Variants in GABPB1 observed in about 807,000 individuals in gnomAD.
The protein encoded by GABPB1 is GA binding protein transcription factor subunit beta 1, also known as GA-binding protein subunit beta-1.
GABPB1 carries 15 observed loss-of-function variants against 45.9 expected under a neutral mutation model. The observed-to-expected ratio is 0.33, with a 90% CI of 0.22 to 0.50. The LOEUF (loss-of-function observed/expected upper bound fraction) is 0.50, where lower values mean the gene tolerates loss of function less well. Among genes scored for constraint, GABPB1 ranks in the 20% least tolerant of loss-of-function variants. The probability of loss-of-function intolerance (pLI) is 0.98; values close to 1 mark genes in which losing one functional copy is unlikely to be tolerated. For missense variants in GABPB1, 252 were observed against 457.5 expected, an observed-to-expected ratio of 0.55 and a Z score of 4.10; for synonymous variants, 143 against 154.4, an observed-to-expected ratio of 0.93 and a Z score of 0.55.
At chr15:50,346,919 A>G (rs1373759721) in intron 1 of GABPB1, among the ~76,000 whole-genome samples, 1 of 151,252 alleles carries the variant, frequency 6.6e-6, no homozygotes, top group African/African-American at 2.4e-5. Context: ...CCTCCTGAGT[A>G]GCTGGGATTA....
chr15:50,285,810 T>C, intron 8 of GABPB1: 2 of 1,265,840 alleles, frequency 1.6e-6, no homozygotes, highest in Non-Finnish European at 9.9e-7. Flanking sequence ...AAGGATGAAG[T>C]GGAAGAACCA....
chr15:50,335,681 G>A (rs1157909161), intron 1 of GABPB1, among the ~76,000 whole-genome samples: 2 of 151,474 alleles, frequency 1.3e-5, no homozygotes, highest in African/African-American at 4.8e-5. Flanking sequence ...GGTGGATCAT[G>A]AGGTCAGGAG....
At chr15:50,302,000 C>T (rs967950281) in intron 4 of GABPB1, among the ~76,000 whole-genome samples, 8 of 152,062 alleles carry the variant, frequency 5.3e-5, no homozygotes, top group Admixed American at 1.3e-4. Flanking sequence ...TTTTAAGTAA[C>T]TAGTGGAAGC....
chr15:50,328,867 C>G (rs746044413), intron 1 of GABPB1, among the ~76,000 whole-genome samples: 6 of 152,160 alleles, frequency 3.9e-5, no homozygotes, highest in Non-Finnish European at 8.8e-5. Context: ...TAAAATGGTG[C>G]CCACTCAAAA....
chr15:50,350,602 T>C (rs1296320891), intron 1 of GABPB1: 1 of 151,942 alleles, frequency 6.6e-6, no homozygotes, highest in African/African-American at 2.4e-5. Flanking sequence ...ATTAGCTTTT[T>C]GTTCTTCCAC....
chr15:50,348,365 C>A lies in GABPB1; in HGVS notation c.-1+6620G>T, dbSNP rs144550554. On this transcript the variant is annotated intron_variant, in intron 1 of 8. Coordinates refer to ENST00000380877, the MANE Select transcript of GABPB1 (RefSeq NM_016654.5). ...CGCCTCCCAGACTAAAGGAATACTC[C>A]CACCTCGGCCTCCCGAGTAGCCGAG... is the stretch of plus-strand genomic sequence containing the variant. Among the ~76,000 whole-genome samples the A allele has an allele frequency of 2.4e-4, 36 of 152,206 alleles. No homozygotes were observed. In the East Asian group the frequency reaches 6.6e-3, roughly 28 times the overall value.
At chr15:50,341,489 C>T (rs529099586) in intron 1 of GABPB1, among the ~76,000 whole-genome samples, 25 of 151,682 alleles carry the variant, frequency 1.6e-4, no homozygotes, top group Admixed American at 6.6e-4. Context: ...GCCGAGATCG[C>T]GCCATTGCAC....
rs150877724 is a variant in GABPB1 at position 50,281,433 on chromosome 15, A to C, written c.1000-2649T>G. 9.9e-4 allele frequency among the ~76,000 whole-genome samples: 150 copies of C among 152,142 alleles called. 1 individual carries two copies. The Middle Eastern group carries it at 0.027, about 28-fold the overall frequency. ...TCACCATGTTAGCCAGGATGGTCTC[A>C]ATCTCCTGACCTCGTGATCTGCCCG... On this transcript the variant is annotated intron_variant, in intron 8 of 8. Transcript: ENST00000380877.
chr15:50,354,516 G>A (rs965435497), intron 1 of GABPB1: 1 of 449,650 alleles, frequency 2.2e-6, no homozygotes, highest in East Asian at 7.5e-5. Context: ...AGGCTGCCGA[G>A]ACAAAGGGTA....
intron 8 of GABPB1, among the ~76,000 whole-genome samples, chr15:50,281,968 A>C (rs1165656140): frequency 6.6e-6 from 1 of 151,564 alleles, no homozygotes; most frequent in Non-Finnish European, 1.5e-5. Context: ...CTCCCACTTC[A>C]GTCTCCCAAA....
intron 1 of GABPB1, among the ~76,000 whole-genome samples, chr15:50,338,420 T>G (rs757178368): frequency 4.6e-5 from 7 of 152,184 alleles, no homozygotes; most frequent in South Asian, 2.1e-4. Flanking sequence ...TATATACAGT[T>G]ACTCCCAAAC....
At chr15:50,292,314 C>CAAAA (rs762047613) in intron 6 of GABPB1, among the ~76,000 whole-genome samples, 7 of 49,558 alleles carry the variant, frequency 1.4e-4, no homozygotes, top group African/African-American at 2.2e-4. Context: ...GACTCCATCT[C>CAAAA]AAAAAAAAAA....
intron 1 of GABPB1, chr15:50,349,034 A>T (rs1333368775): frequency 2.0e-5 from 3 of 152,186 alleles, no homozygotes; most frequent in Non-Finnish European, 4.4e-5. Context: ...ATAGGACTCA[A>T]AATTAATATT....
At chr15:50,341,426 G>A (rs150970307) in intron 1 of GABPB1, among the ~76,000 whole-genome samples, 3,089 of 152,098 alleles carry the variant, frequency 0.02, 101 homozygotes, top group African/African-American at 0.071. Context: ...CAGCTACCCC[G>A]GGAGGCTGAG....
intron 1 of GABPB1, among the ~76,000 whole-genome samples, chr15:50,340,880 A>AC (rs2048336554): frequency 1.2e-5 from 1 of 85,266 alleles, no homozygotes; most frequent in Non-Finnish European, 2.6e-5. Flanking sequence ...TACCATATGT[A>AC]ATATTACATA....
chr15:50,292,063 G>A lies in GABPB1; in HGVS notation c.698-2395C>T, dbSNP rs574978736. ...AAGATAAATCATTGCGGCCGGGCGCGGTGGCTCATGCCTGTAATCCCAGCA... is the reference window on the plus strand; with the variant it reads ...AAGATAAATCATTGCGGCCGGGCGCAGTGGCTCATGCCTGTAATCCCAGCA... On this transcript the variant is annotated intron_variant, in intron 6 of 8. Coordinates refer to ENST00000380877, the MANE Select transcript of GABPB1 (RefSeq NM_016654.5). Among the ~76,000 whole-genome samples, 61 of 151,866 alleles carry A rather than the reference G, an allele frequency of 4.0e-4. 1 individual carries two copies. In the South Asian group the frequency reaches 0.011, roughly 27 times the overall value.
At chr15:50,339,362 G>T (rs886424019) in intron 1 of GABPB1, among the ~76,000 whole-genome samples, 8 of 151,930 alleles carry the variant, frequency 5.3e-5, no homozygotes, top group African/African-American at 1.9e-4. Flanking sequence ...AACCAGGTAT[G>T]GTGGAAGGCA....
In GABPB1 at chr15:50,300,429, G is replaced by GTT. The variant is rs1363908199; in HGVS notation, c.697+358_697+359dup. 9.8e-4 allele frequency among the ~76,000 whole-genome samples: 71 copies of GTT among 72,156 alleles called. 2 individuals carry two copies. The highest frequency in any genetic ancestry group is 2.6e-3 in the South Asian group (5 of 1,928). The allele number at this position is 72,156 out of a possible 152,430, so 47.3% of individuals were successfully genotyped here. On this transcript the variant is annotated intron_variant, in intron 6 of 8. Transcript: ENST00000380877. ...TTTGTAAATATTTGAATCTGCAACT[G>GTT]TTTTTGGTTTTTTTTTTTTTTTTTT... is the stretch of plus-strand genomic sequence containing the variant.
intron 1 of GABPB1, among the ~76,000 whole-genome samples, chr15:50,326,729 G>A (rs1371331506): frequency 6.6e-6 from 1 of 152,014 alleles, no homozygotes; most frequent in Non-Finnish European, 1.5e-5. Flanking sequence ...AGCTACTCAG[G>A]ACGCTGAGGT....
Sources: gnomAD v4.1 joint callset for allele counts (sites outside exome capture counted in the v4.1 genomes callset) on GRCh38, gnomAD v4.1.1 for gene constraint, MANE v1.5 for transcripts, NCBI Gene and HGNC (gene_info 2026-07-23, HGNC 2026-07-21) for gene names.